The following RNF216 variants were observed in gnomAD, a reference collection of about 807,000 sequenced individuals.
The protein encoded by RNF216 is ring finger protein 216, also known as E3 ubiquitin-protein ligase RNF216.
In RNF216, 72 loss-of-function variants were observed where a neutral mutation model predicts 110.8. The ratio of observed to expected loss-of-function variants is 0.65; its 90% CI spans 0.54 to 0.79. The LOEUF is 0.79. Among genes scored for constraint, RNF216 ranks in the 30% least tolerant of loss-of-function variants. The probability of loss-of-function intolerance (pLI) is 0.00; values close to 1 mark genes in which losing one functional copy is unlikely to be tolerated. For synonymous variants in RNF216, 495 were observed against 407.5 expected, an observed-to-expected ratio of 1.21 and a Z score of -2.59; for missense variants, 1,342 against 1,141.2, an observed-to-expected ratio of 1.18 and a Z score of -2.54.
In RNF216 at chr7:5,741,090, T is replaced by C. The variant is rs1794727535; in HGVS notation, c.927A>G (p.Glu309=). ...GCATTGGAAAGGCTGGACCTGGCTC[T>C]TCATCATCACTTGCTAACTGCTGGT... is the stretch of plus-strand genomic sequence containing the variant. ...FEDQQLASDD[E]EPGPAFPMQE... The change falls in exon 4 of 17, where the codon GAA becomes GAG. Residue 309 remains glutamate (E), a synonymous_variant. Coordinates refer to ENST00000389902, the MANE Select transcript of RNF216 (RefSeq NM_207111.4). 1 of 1,614,162 alleles carries C rather than the reference T, an allele frequency of 6.2e-7. No homozygotes were observed. Among genetic ancestry groups the C allele is most frequent in the Non-Finnish European group, 8.5e-7 (1 of 1,180,026 alleles).
chr7:5,750,963 T>C (rs1266969332), intron 3 of RNF216, among the ~76,000 whole-genome samples: 2 of 152,234 alleles, frequency 1.3e-5, no homozygotes, highest in Admixed American at 6.5e-5. Context: ...ACAGCAAGTA[T>C]TGCAGAGCAG....
rs1791647707 is a variant in RNF216 at position 5,696,642 on chromosome 7, CT to C, written c.2061+15118del. Among the ~76,000 whole-genome samples the C allele has an allele frequency of 6.6e-6, 1 of 152,202 alleles. No homozygotes were observed. Among genetic ancestry groups the C allele is most frequent in the African/African-American group, 2.4e-5 (1 of 41,432 alleles). On this transcript the variant is annotated intron_variant, in intron 13 of 16. Transcript: ENST00000389902. This position sits in a 1 kb window ranked among gnomAD's most constrained non-coding sequence, Gnocchi z 5.4. ...TCTTCCTTGGCTGCTGCCATCCTCGCTTTTGACTACTGCCCCACGTCTCCCC... is the reference window on the plus strand; with the variant it reads ...TCTTCCTTGGCTGCTGCCATCCTCGCTTTGACTACTGCCCCACGTCTCCCC...
rs140338435 is a variant in RNF216, at chr7:5,657,205, G to T, written c.2062-4695C>A. Among the ~76,000 whole-genome samples, 83 of 152,336 alleles carry T rather than the reference G, an allele frequency of 5.4e-4. 1 individual carries two copies. The highest frequency in any genetic ancestry group is 1.9e-3 in the African/African-American group (80 of 41,584). On this transcript the variant is annotated intron_variant, in intron 13 of 16. Coordinates refer to ENST00000389902, the MANE Select transcript of RNF216 (RefSeq NM_207111.4). ...GAGAGAAGTCACTGACATGCCACAG[G>T]GCATTACGCTGTTGCCAATCCAGAA...
intron 13 of RNF216, among the ~76,000 whole-genome samples, chr7:5,704,639 G>C (rs1044158234): frequency 1.3e-5 from 2 of 152,108 alleles, no homozygotes; most frequent in African/African-American, 4.8e-5. Context: ...TTTCCTCATG[G>C]AGCATCTGTG....
intron 1 of RNF216, among the ~76,000 whole-genome samples, chr7:5,778,943 C>T (rs1796925527): frequency 6.6e-6 from 1 of 152,182 alleles, no homozygotes; most frequent in African/African-American, 2.4e-5. Context: ...GGGGTTTCAC[C>T]ATGTTGGCCA....
intron 3 of RNF216, among the ~76,000 whole-genome samples, chr7:5,745,063 G>A (rs748907029): frequency 4.0e-5 from 6 of 151,800 alleles, no homozygotes; most frequent in African/African-American, 9.7e-5. Flanking sequence ...GATATCATAC[G>A]TACACACAAA....
rs940327801 is a variant in RNF216 at position 5,770,410 on chromosome 7, G to A, written c.-69-9272C>T. ...TGGGAGGCGGAGGTTGTGGTGAGCC[G>A]AGATCATGCCAATGCACTCCAGCCT... On this transcript the variant is annotated intron_variant, in intron 1 of 16. Coordinates refer to ENST00000389902, the MANE Select transcript of RNF216 (RefSeq NM_207111.4). Among the ~76,000 whole-genome samples the A allele has an allele frequency of 9.3e-5, 14 of 151,240 alleles. 2 individuals are homozygous for A. Among genetic ancestry groups the A allele is most frequent in the Admixed American group, 5.9e-4 (9 of 15,140 alleles).
intron 5 of RNF216, among the ~76,000 whole-genome samples, chr7:5,735,573 A>G (rs924724310): frequency 1.3e-5 from 2 of 152,240 alleles, no homozygotes; most frequent in African/African-American, 4.8e-5. Context: ...CACTCTACTG[A>G]AGAGAAATTT....
intron 13 of RNF216, among the ~76,000 whole-genome samples, chr7:5,674,760 C>T (rs944610910): frequency 6.6e-6 from 1 of 152,096 alleles, no homozygotes; most frequent in African/African-American, 2.4e-5. Flanking sequence ...CTCTAGGAGG[C>T]CGAGGTTGGC....
intron 6 of RNF216, among the ~76,000 whole-genome samples, chr7:5,730,246 T>C (rs1177622325): frequency 1.3e-5 from 2 of 152,180 alleles, no homozygotes; most frequent in Non-Finnish European, 2.9e-5. Flanking sequence ...ATAACAAAGT[T>C]GTGCTGATGG....
chr7:5,635,290 CTTTT>C (rs755049416), intron 15 of RNF216, among the ~76,000 whole-genome samples: 8 of 135,862 alleles, frequency 5.9e-5, no homozygotes, highest in Admixed American at 2.2e-4. Context: ...ACTAACTTCA[CTTTT>C]TTTTTTTTTT....
chr7:5,652,292 C>G (rs879666731), intron 14 of RNF216, 121 bp downstream of exon 14: 12 of 692,172 alleles, frequency 1.7e-5, no homozygotes, highest in Non-Finnish European at 3.1e-5. Flanking sequence ...TCCCCAAGAT[C>G]ACTCCAGACT....
At chr7:5,704,172 G>A (rs1012546439) in intron 13 of RNF216, among the ~76,000 whole-genome samples, 4 of 152,108 alleles carry the variant, frequency 2.6e-5, no homozygotes, top group Non-Finnish European at 5.9e-5. Context: ...GATTCCAGAG[G>A]ACTGATTCCA....
At chr7:5,651,715 C>A (rs987674035) in intron 14 of RNF216, among the ~76,000 whole-genome samples, 2 of 151,002 alleles carry the variant, frequency 1.3e-5, no homozygotes, top group Admixed American at 1.3e-4. Context: ...CTGGCGCAAT[C>A]TTGGCTCACT....
chr7:5,769,592 C>T (rs1796388029), intron 1 of RNF216, among the ~76,000 whole-genome samples: 1 of 151,656 alleles, frequency 6.6e-6, no homozygotes, highest in Non-Finnish European at 1.5e-5. Flanking sequence ...GGCATGGTGG[C>T]ATGCACCTGT....
chr7:5,780,570 G>A (rs964368378), intron 1 of RNF216, among the ~76,000 whole-genome samples: 2 of 152,036 alleles, frequency 1.3e-5, no homozygotes, highest in Admixed American at 6.6e-5. Context: ...GGTGGCAAAT[G>A]CCTGTAATCC....
intron 7 of RNF216, 44 bp from the exon 8 acceptor site, chr7:5,725,482 TAAG>T: frequency 8.8e-7 from 1 of 1,134,932 alleles, no homozygotes; most frequent in Non-Finnish European, 1.3e-6. Context: ...AAATAGAAAA[TAAG>T]AATACACGAG....
intron 2 of RNF216, among the ~76,000 whole-genome samples, chr7:5,759,381 T>A (rs572659392): frequency 2.1e-4 from 32 of 152,282 alleles, no homozygotes; most frequent in Admixed American, 1.8e-3. Context: ...TTCAGCCTAC[T>A]CAATGTGAGG....
rs1357776557 is a variant in RNF216, at chr7:5,641,213, G to A, written c.2323C>T (p.Arg775Cys). ...NGYDHFCQHP[R>C]SPGAPCQECS... ...TCCTGGCAAGGGGCTCCTGGTGAGC[G>A]GGGATGTTGGCAGAAATGGTCATAT... is the stretch of plus-strand genomic sequence containing the variant. The change falls in exon 15 of 17, where the codon CGC (arginine) becomes TGC (cysteine). Residue 775 changes from arginine to cysteine, a missense_variant. By Grantham distance (180) the Arg-to-Cys change is radical. Transcript: ENST00000389902. The A allele has an allele frequency of 3.7e-6, 6 of 1,614,042 alleles. No individual in the cohort carries two copies. The highest frequency in any genetic ancestry group is 3.3e-5 in the South Asian group (3 of 91,088).
Sources: allele counts gnomAD v4.1 joint callset (sites outside exome capture counted in the v4.1 genomes callset), GRCh38; gene constraint gnomAD v4.1.1; non-coding constraint Gnocchi (gnomAD v3.1); transcripts MANE v1.5; gene names NCBI Gene and HGNC (gene_info 2026-07-23, HGNC 2026-07-21).